TGFB2: variants seen among roughly 807,000 people sequenced by gnomAD.
TGFB2 encodes transforming growth factor beta-2 proprotein.
TGFB2 carries 13 observed loss-of-function variants against 42.7 expected under a neutral mutation model. The observed-to-expected ratio is 0.30, with a 90% CI of 0.20 to 0.48. The LOEUF (loss-of-function observed/expected upper bound fraction) is 0.48. TGFB2 is among the 20% of genes least tolerant of loss of function. The probability of loss-of-function intolerance (pLI) is 0.99; values close to 1 mark genes in which losing one functional copy is unlikely to be tolerated. For synonymous variants in TGFB2, 193 were observed against 193.6 expected (o/e 1.00, Z 0.03); for missense variants, 390 against 517.5 (o/e 0.75, Z 2.39).
intron 2 of TGFB2, among the ~76,000 whole-genome samples, chr1:218,411,152 A>G (rs1275659165): frequency 6.6e-6 from 1 of 152,190 alleles, no homozygotes; most frequent in African/African-American, 2.4e-5. Context: ...GTCATTTCTC[A>G]TTTAAAACCT....
At chr1:218,372,306 C>A (rs1369683269) in intron 1 of TGFB2, among the ~76,000 whole-genome samples, 1 of 152,084 alleles carries the variant, frequency 6.6e-6, no homozygotes, top group Non-Finnish European at 1.5e-5. Context: ...GTTTTGGATC[C>A]CTCTGAAATC....
Position 218,436,036 on chromosome 1 carries a change from A to T in TGFB2, c.821A>T (p.Asn274Ile). 1 of 1,614,166 alleles carries T rather than the reference A, an allele frequency of 6.2e-7. No individual in the cohort carries two copies. Among genetic ancestry groups the T allele is most frequent in the Non-Finnish European group, 8.5e-7 (1 of 1,179,986 alleles). ...QKTIKSTRKK[N>I]SGKTPHLLLM... Reference sequence around the variant, plus strand: ...ACTATAAAGTCCACTAGGAAAAAAAACAGTGGGAAGACCCCACATCTCCTG... The same window carrying T: ...ACTATAAAGTCCACTAGGAAAAAAATCAGTGGGAAGACCCCACATCTCCTG... The change falls in exon 5 of 7, where the codon AAC (asparagine) becomes ATC (isoleucine). Residue 274 changes from asparagine (N) to isoleucine (I), a missense_variant. Asn to Ile is a moderately radical substitution (Grantham distance 149). Transcript: ENST00000366930.
chr1:218,380,782 C>A (rs1262327247), intron 1 of TGFB2, among the ~76,000 whole-genome samples: 1 of 152,040 alleles, frequency 6.6e-6, no homozygotes, highest in Non-Finnish European at 1.5e-5. Flanking sequence ...GAGTAGGTAG[C>A]TGGGAAGGGA....
At chr1:218,432,372 A>G (rs1659833939) in intron 2 of TGFB2, among the ~76,000 whole-genome samples, 1 of 152,136 alleles carries the variant, frequency 6.6e-6, no homozygotes, top group Non-Finnish European at 1.5e-5. Context: ...CTCTTCTTTT[A>G]GTGGAGGTTT....
chr1:218,398,837 A>T (rs1422108405), intron 1 of TGFB2, among the ~76,000 whole-genome samples: 1 of 152,112 alleles, frequency 6.6e-6, no homozygotes, highest in Non-Finnish European at 1.5e-5. Flanking sequence ...TGCCTGCCTC[A>T]GCCTCCCACA....
intron 6 of TGFB2, among the ~76,000 whole-genome samples, chr1:218,440,941 G>A (rs982561459): frequency 2.0e-5 from 3 of 152,148 alleles, no homozygotes; most frequent in East Asian, 1.9e-4. Context: ...TGTTGAATGA[G>A]CAATTTTTTC....
Position 218,427,581 on chromosome 1 carries a change from G to A in TGFB2, c.511-6501G>A, listed in dbSNP as rs543368297. 4.3e-3 allele frequency among the ~76,000 whole-genome samples: 654 copies of A among 152,182 alleles called. 5 individuals carry two copies. The highest frequency in any genetic ancestry group is 0.014 in the Middle Eastern group (4 of 294). The stretch of plus-strand genomic sequence containing the variant: ...TTCCCACCTATGAGTGAGAACATGC[G>A]GTGTTTGGTTTTCTGTCCTTGCGAT... On this transcript the variant is annotated intron_variant, in intron 2 of 6. Transcript: ENST00000366930.
intron 1 of TGFB2, among the ~76,000 whole-genome samples, chr1:218,375,039 T>A (rs995779974): frequency 1.6e-4 from 24 of 151,916 alleles, no homozygotes; most frequent in Non-Finnish European, 2.5e-4. Context: ...AAAAAAAGAT[T>A]TTTTTTTATT....
chr1:218,347,085 G>C, intron 1 of TGFB2, 38 bp downstream of exon 1: 2 of 1,537,530 alleles, frequency 1.3e-6, no homozygotes, highest in Admixed American at 4.1e-5. Flanking sequence ...CTGAGGTTTA[G>C]CTCTGCCCGG....
chr1:218,397,005 C>T (rs544292085), intron 1 of TGFB2, among the ~76,000 whole-genome samples: 18 of 152,248 alleles, frequency 1.2e-4, no homozygotes, highest in African/African-American at 3.1e-4. Context: ...CAGTGGCTCA[C>T]GCCTGTAATC....
intron 2 of TGFB2, 103 bp downstream of exon 2, chr1:218,405,435 G>A: frequency 1.3e-6 from 2 of 1,583,100 alleles, no homozygotes; most frequent in Non-Finnish European, 8.6e-7. Flanking sequence ...CATGATCACA[G>A]CTCACTGCAA....
chr1:218,407,276 G>A (rs561703319), intron 2 of TGFB2, among the ~76,000 whole-genome samples: 25 of 152,120 alleles, frequency 1.6e-4, no homozygotes, highest in Non-Finnish European at 2.5e-4. Context: ...ATGAGTTCTC[G>A]CTTTGTTGCC....
intron 1 of TGFB2, among the ~76,000 whole-genome samples, chr1:218,404,184 C>T (rs528473091): frequency 6.6e-6 from 1 of 152,258 alleles, no homozygotes; most frequent in East Asian, 1.9e-4. Flanking sequence ...GTGATTTCAG[C>T]TCACTGCAGC....
At chr1:218,357,540 A>ACCAT (rs1657079065) in intron 1 of TGFB2, among the ~76,000 whole-genome samples, 1 of 152,194 alleles carries the variant, frequency 6.6e-6, no homozygotes, top group African/African-American at 2.4e-5. Context: ...CTGGGCCGGG[A>ACCAT]CCATCCCTTC....
intron 1 of TGFB2, among the ~76,000 whole-genome samples, chr1:218,394,852 A>G (rs1159354341): frequency 6.6e-6 from 1 of 152,102 alleles, no homozygotes; most frequent in African/African-American, 2.4e-5. Context: ...AAACCCCAAA[A>G]CACAATTGTC....
intron 2 of TGFB2, among the ~76,000 whole-genome samples, chr1:218,421,924 GAAGAGGCA>G (rs1283490140): frequency 1.3e-5 from 2 of 152,148 alleles, no homozygotes; most frequent in African/African-American, 2.4e-5. Flanking sequence ...CCAGATGCTA[GAAGAGGCA>G]AAGAAGGATC....
intron 1 of TGFB2, among the ~76,000 whole-genome samples, chr1:218,392,103 G>A (rs978388010): frequency 9.8e-5 from 15 of 152,302 alleles, no homozygotes; most frequent in African/African-American, 3.6e-4. Context: ...TGTAATCCCA[G>A]CACTTTGGGA....
chr1:218,393,427 C>G (rs1245960936), intron 1 of TGFB2, among the ~76,000 whole-genome samples: 2 of 152,178 alleles, frequency 1.3e-5, no homozygotes, highest in Non-Finnish European at 2.9e-5. Flanking sequence ...TCCTAAATTT[C>G]CAAGTTTAAT....
intron 1 of TGFB2, among the ~76,000 whole-genome samples, chr1:218,365,290 T>C (rs1217513224): frequency 6.6e-6 from 1 of 152,210 alleles, no homozygotes; most frequent in African/African-American, 2.4e-5. Context: ...TGTAACTTTC[T>C]TGCCTACTAC....
Sources: gnomAD v4.1 joint callset for allele counts (sites outside exome capture counted in the v4.1 genomes callset) on GRCh38, gnomAD v4.1.1 for gene constraint, MANE v1.5 for transcripts, NCBI Gene and HGNC (gene_info 2026-07-23, HGNC 2026-07-21) for gene names.